MTURN: variants seen among roughly 807,000 people sequenced by gnomAD.
The protein encoded by MTURN is maturin, neural progenitor differentiation regulator homolog.
In MTURN, 7 loss-of-function variants were observed where a neutral mutation model predicts 14.9. That is an observed-to-expected ratio of 0.47 (90% CI 0.27 to 0.88). MTURN has a LOEUF of 0.88. MTURN is among the 40% of genes least tolerant of loss of function. MTURN has a pLI of 0.14. For missense variants in MTURN, 151 were observed against 174.1 expected, an observed-to-expected ratio of 0.87 and a Z score of 0.75; for synonymous variants, 69 against 72.5, an observed-to-expected ratio of 0.95 and a Z score of 0.25.
At chr7:30,143,730 C>T (rs1797088549) in intron 1 of MTURN, among the ~76,000 whole-genome samples, 1 of 152,142 alleles carries the variant, frequency 6.6e-6, no homozygotes, top group Admixed American at 6.5e-5. Flanking sequence ...TCCTAAATTG[C>T]TCTAAAAGGA....
chr7:30,140,136 A>G (rs973501420), intron 1 of MTURN, among the ~76,000 whole-genome samples: 1 of 152,012 alleles, frequency 6.6e-6, no homozygotes, highest in African/African-American at 2.4e-5. Flanking sequence ...AGGCCACGAG[A>G]AATGAGGTCT....
At chr7:30,147,038 A>G (rs1254382127) in intron 2 of MTURN, among the ~76,000 whole-genome samples, 1 of 152,110 alleles carries the variant, frequency 6.6e-6, no homozygotes, top group Non-Finnish European at 1.5e-5. Context: ...TATTTGCTAG[A>G]ATTTCTATTT....
At chr7:30,155,430 G>A (rs888489492) in intron 2 of MTURN, among the ~76,000 whole-genome samples, 12 of 152,192 alleles carry the variant, frequency 7.9e-5, no homozygotes, top group African/African-American at 1.7e-4. Flanking sequence ...TGTAGTCATC[G>A]ACGTGCCTTA....
chr7:30,143,540 C>T (rs1466484021), intron 1 of MTURN, among the ~76,000 whole-genome samples: 3 of 151,984 alleles, frequency 2.0e-5, no homozygotes, highest in East Asian at 1.9e-4. Context: ...TTTAAGTGAC[C>T]GTGTACACCC....
Position 30,146,266 on chromosome 7 carries a change from A to G in MTURN, c.252A>G (p.Glu84=). 6.2e-7 allele frequency: 1 copy of G among 1,614,120 alleles called. No homozygotes were observed. The highest frequency in any genetic ancestry group is 8.5e-7 in the Non-Finnish European group (1 of 1,180,048). ...ISSCGKKTLH[E]VLEKVFKSFR... Reference sequence around the variant, plus strand: ...CCTGCGGCAAGAAGACGCTCCACGAAGTCCTGGAAAAAGTCTTCAAGTCTT... The same window carrying G: ...CCTGCGGCAAGAAGACGCTCCACGAGGTCCTGGAAAAAGTCTTCAAGTCTT... Residue 84 remains glutamate, a synonymous_variant, in exon 2 of 3, where the codon GAA becomes GAG. Transcript: ENST00000324453.
chr7:30,135,071 C>A lies in MTURN; in HGVS notation c.-66C>A. The A allele has an allele frequency of 8.1e-7, 1 of 1,238,546 alleles. No individual in the cohort carries two copies. The highest frequency in any genetic ancestry group is 1.0e-6 in the Non-Finnish European group (1 of 980,132). The allele number at this position is 1,238,546 out of a possible 1,614,324, so 76.7% of individuals were successfully genotyped here. ...AGGCCGAGCCGAGCGCCGCGCTGCC[C>A]GCCCGGGAGGAGGGCGCCTAGGAGC... On this transcript the variant is annotated 5_prime_UTR_variant, in exon 1 of 3. Transcript: ENST00000324453.
In MTURN at chr7:30,135,202, C is replaced by T; in HGVS notation, c.66C>T (p.Ile22=). The T allele has an allele frequency of 1.3e-6, 2 of 1,510,832 alleles. No homozygotes were observed. The highest frequency in any genetic ancestry group is 1.8e-6 in the Non-Finnish European group (2 of 1,128,044). 93.6% of individuals were successfully genotyped at this position (1,510,832 alleles called of 1,614,324 possible). ...GCTCCAACACGCCCTTCGAGCTCAT[C>T]GCCACCGAGGAGACCGAACGCAGGA... The part of the protein sequence containing the change: ...KWCSNTPFEL[I]ATEETERRMD... The change falls in exon 1 of 3, where the codon ATC becomes ATT. Residue 22 remains isoleucine (I), a synonymous_variant. Transcript: ENST00000324453.
Position 30,136,676 on chromosome 7 carries a change from C to T in MTURN, c.162+1378C>T, listed in dbSNP as rs985972633. ...ACCCCCTGAGGAGGGCAGGGATCCA[C>T]CTGGGCATTCCACAAGTGGCACTCC... On this transcript the variant is annotated intron_variant, in intron 1 of 2. Coordinates refer to ENST00000324453, the MANE Select transcript of MTURN (RefSeq NM_152793.3). 3.9e-5 allele frequency among the ~76,000 whole-genome samples: 6 copies of T among 152,184 alleles called. No homozygotes were observed. The East Asian group carries it at 1.2e-3, about 29-fold the overall frequency.
Position 30,161,242 on chromosome 7 carries a change from GGGA to G in MTURN, c.*3699_*3701del, listed in dbSNP as rs751330030. ...GAATAGGCAGGACTTAACTTGGGGT[GGGA>G]GGAGATGAATAAGGGAGAATGGGAG... On this transcript the variant is annotated 3_prime_UTR_variant, in exon 3 of 3. Coordinates refer to ENST00000324453, the MANE Select transcript of MTURN (RefSeq NM_152793.3). 3 of 152,452 alleles carry G rather than the reference GGGA, an allele frequency of 2.0e-5. No individual in the cohort carries two copies. Among genetic ancestry groups the G allele is most frequent in the Non-Finnish European group, 4.4e-5 (3 of 68,038 alleles). The allele number at this position is 152,452 out of a possible 1,614,324, so 9.4% of individuals were successfully genotyped here. A position where few individuals can be genotyped will look rare whatever the true frequency, so the allele number is the denominator to read the frequency against.
Position 30,157,457 on chromosome 7 carries a change from C to G in MTURN, c.305C>G (p.Ala102Gly). 1 of 1,600,340 alleles carries G rather than the reference C, an allele frequency of 6.2e-7. No homozygotes were observed. Among genetic ancestry groups the G allele is most frequent in the Non-Finnish European group, 8.5e-7 (1 of 1,174,226 alleles). ...CTGTAGTTACTGGGGCTTCCGGATGCAGATGACGATGCGTTTGAAGAGTAC... is the reference window on the plus strand; with the variant it reads ...CTGTAGTTACTGGGGCTTCCGGATGGAGATGACGATGCGTTTGAAGAGTAC... ...SFRPLLGLPDADDDAFEEYSA... is the reference protein window; with the variant it reads ...SFRPLLGLPDGDDDAFEEYSA... Residue 102 changes from alanine to glycine, a missense_variant, in exon 3 of 3, where the codon GCA becomes GGA. Transcript: ENST00000324453.
At position 30,155,521 on chromosome 7, in the gene MTURN, C is replaced by T. The variant is rs537137299; in HGVS notation, c.286-1917C>T. On this transcript the variant is annotated intron_variant, in intron 2 of 2. Transcript: ENST00000324453. ...TAAAATCTGCAAGGGAGACAGGAGC[C>T]GGAAAAAGAGACTTTCTTCTCCCAA... is the stretch of plus-strand genomic sequence containing the variant. Among the ~76,000 whole-genome samples, 5 of 152,248 alleles carry T rather than the reference C, an allele frequency of 3.3e-5. No individual in the cohort carries two copies. The East Asian group carries it at 9.6e-4, about 29-fold the overall frequency.
chr7:30,153,336 T>C (rs558536616), intron 2 of MTURN, among the ~76,000 whole-genome samples: 11 of 152,314 alleles, frequency 7.2e-5, no homozygotes, highest in Non-Finnish European at 1.5e-4. Flanking sequence ...GTGCTTTCTA[T>C]CCATGCTTCC....
chr7:30,161,811 AC>A lies in MTURN; in HGVS notation c.*4266del, dbSNP rs1797378703. On this transcript the variant is annotated 3_prime_UTR_variant, in exon 3 of 3. Coordinates refer to ENST00000324453, the MANE Select transcript of MTURN (RefSeq NM_152793.3). ...TAAAAACTGATCCTTTTTCATAAAG[AC>A]CCAGTCACTTCTCCCAGTTTAGTGA... 6.6e-6 allele frequency: 1 copy of A among 152,156 alleles called. No individual in the cohort carries two copies. The highest frequency in any genetic ancestry group is 1.5e-5 in the Non-Finnish European group (1 of 68,026). 9.4% of individuals were successfully genotyped at this position (152,156 alleles called of 1,614,324 possible).
At chr7:30,149,051 C>G (rs1226971520) in intron 2 of MTURN, among the ~76,000 whole-genome samples, 1 of 152,138 alleles carries the variant, frequency 6.6e-6, no homozygotes. Flanking sequence ...GCAGAACTGG[C>G]TCACCTGGGA....
In MTURN at chr7:30,157,571, G is replaced by A; in HGVS notation, c.*23G>A. ...TAAATCTGGGGGCTCCCCTGAGAAG[G>A]AGAGTGAGCCCCACAGTAACCTAGG... On this transcript the variant is annotated 3_prime_UTR_variant, in exon 3 of 3. Transcript: ENST00000324453. The A allele has an allele frequency of 6.4e-7, 1 of 1,566,384 alleles. No individual in the cohort carries two copies. The highest frequency in any genetic ancestry group is 2.4e-5 in the East Asian group (1 of 42,326).
At chr7:30,136,071 C>T (rs996915496) in intron 1 of MTURN, among the ~76,000 whole-genome samples, 2 of 152,228 alleles carry the variant, frequency 1.3e-5, no homozygotes, top group Non-Finnish European at 2.9e-5. Flanking sequence ...CTCGCTGCCT[C>T]TCTGAGCTGC....
At chr7:30,143,852 T>TTA (rs1393809706) in intron 1 of MTURN, among the ~76,000 whole-genome samples, 1 of 152,246 alleles carries the variant, frequency 6.6e-6, no homozygotes, top group Non-Finnish European at 1.5e-5. Context: ...ACACTGCAGT[T>TTA]TATGATTCTG....
At chr7:30,157,381 C>T in intron 2 of MTURN, 57 bp from the exon 3 acceptor site, 1 of 1,458,848 alleles carries the variant, frequency 6.9e-7, no homozygotes, top group East Asian at 2.6e-5. Context: ...TGGTTGTCTT[C>T]CTGCCTGTGG....
chr7:30,153,123 G>A (rs1485721077), intron 2 of MTURN, among the ~76,000 whole-genome samples: 1 of 152,156 alleles, frequency 6.6e-6, no homozygotes, highest in South Asian at 2.1e-4. Flanking sequence ...GTATGAGAAT[G>A]TGTGGTTGCA....
Sources: gnomAD v4.1 joint callset for allele counts (sites outside exome capture counted in the v4.1 genomes callset) on GRCh38, gnomAD v4.1.1 for gene constraint, MANE v1.5 for transcripts, NCBI Gene and HGNC (gene_info 2026-07-23, HGNC 2026-07-21) for gene names.